The following CATSPERB variants were observed in gnomAD, a reference collection of about 807,000 sequenced individuals.
CATSPERB encodes the protein catsper channel auxiliary subunit beta.
CATSPERB carries 93 observed loss-of-function variants against 128.3 expected under a neutral mutation model. The observed-to-expected ratio is 0.72, with a 90% CI of 0.61 to 0.86. The LOEUF is 0.86. Ranked by LOEUF, CATSPERB falls within the 40% of genes least tolerant of loss-of-function variation. The probability of loss-of-function intolerance (pLI) is 0.00; values close to 1 mark genes in which losing one functional copy is unlikely to be tolerated. For missense variants in CATSPERB, 1,153 were observed against 1,329.5 expected (o/e 0.87, Z 2.06); for synonymous variants, 381 against 448.8 (o/e 0.85, Z 1.91).
chr14:91,641,606 C>CTGTA (rs1210124753), intron 15 of CATSPERB, among the ~76,000 whole-genome samples: 3 of 145,038 alleles, frequency 2.1e-5, no homozygotes, highest in Non-Finnish European at 4.6e-5. Flanking sequence ...GTTTTGGTTA[C>CTGTA]TGTAGCCTTG....
chr14:91,608,275 T>C lies in CATSPERB; in HGVS notation c.2709+19A>G. 7.0e-7 allele frequency: 1 copy of C among 1,438,232 alleles called. No homozygotes were observed. The highest frequency in any genetic ancestry group is 9.8e-7 in the Non-Finnish European group (1 of 1,022,728). The allele number at this position is 1,438,232 out of a possible 1,614,324, so 89.1% of individuals were successfully genotyped here. A position where few individuals can be genotyped will look rare whatever the true frequency, so the allele number is the denominator to read the frequency against. On this transcript the variant is annotated intron_variant, in intron 22 of 26. Coordinates refer to ENST00000256343, the MANE Select transcript of CATSPERB (RefSeq NM_024764.4). ...TGAATTCAAATAAGTGCTAGATTAT[T>C]TGTAAAAAAGTTATTTACCTTTGAC...
In CATSPERB at chr14:91,610,622, G is replaced by A. The variant is rs748919841; in HGVS notation, c.2456C>T (p.Thr819Met). The A allele has an allele frequency of 9.3e-6, 15 of 1,613,982 alleles. No homozygotes were observed. Among genetic ancestry groups the A allele is most frequent in the Admixed American group, 1.7e-5 (1 of 59,994 alleles). The change falls in exon 21 of 27, where the codon ACG (threonine) becomes ATG (methionine). Residue 819 changes from threonine to methionine, a missense_variant. Transcript: ENST00000256343. ...MWSASTECFVTTMVPTLKSSC... is the reference protein window; with the variant it reads ...MWSASTECFVMTMVPTLKSSC... The stretch of plus-strand genomic sequence containing the variant: ...GCTTTTCAGTGTTGGCACCATTGTC[G>A]TAACAAAGCACTCAGTAGAGGCTGA...
chr14:91,693,228 T>G lies in CATSPERB; in HGVS notation c.729A>C (p.Ser243=), dbSNP rs369640927. The G allele has an allele frequency of 4.3e-6, 7 of 1,612,374 alleles. No individual in the cohort carries two copies. Among genetic ancestry groups the G allele is most frequent in the Non-Finnish European group, 5.9e-6 (7 of 1,178,654 alleles). Residue 243 remains serine (S), a synonymous_variant, in exon 9 of 27, where the codon TCA becomes TCC. Transcript: ENST00000256343. ...SQLQEEYEDL[S]LVDMVLTNHF... is the part of the protein sequence containing the mutation. ...GATTCGTTAAAACCATATCCACCAATGAAAGGTCTTCATATTCTAAACGAA... is the reference window on the plus strand; with the variant it reads ...GATTCGTTAAAACCATATCCACCAAGGAAAGGTCTTCATATTCTAAACGAA...
At chr14:91,652,639 C>G (rs1172485671) in intron 15 of CATSPERB, among the ~76,000 whole-genome samples, 1 of 129,344 alleles carries the variant, frequency 7.7e-6, no homozygotes, top group African/African-American at 3.0e-5. Flanking sequence ...CCACTGCACC[C>G]CAGTCTGAGC....
At chr14:91,609,782 A>C (rs988448960) in intron 21 of CATSPERB, among the ~76,000 whole-genome samples, 5 of 152,082 alleles carry the variant, frequency 3.3e-5, no homozygotes, top group African/African-American at 1.2e-4. Flanking sequence ...TCTGTTGCTC[A>C]GGCTGGAGTG....
intron 5 of CATSPERB, among the ~76,000 whole-genome samples, chr14:91,711,378 G>A (rs1453033178): frequency 6.6e-6 from 1 of 152,110 alleles, no homozygotes; most frequent in Non-Finnish European, 1.5e-5. Flanking sequence ...TTACAGGCAT[G>A]TGCCACCACA....
intron 20 of CATSPERB, among the ~76,000 whole-genome samples, chr14:91,613,787 C>T (rs2139779947): frequency 6.6e-6 from 1 of 152,242 alleles, no homozygotes; most frequent in South Asian, 2.1e-4. Flanking sequence ...AAAATCTCGC[C>T]CTAGAGTAGC....
At chr14:91,716,584 T>A (rs938236143) in intron 5 of CATSPERB, among the ~76,000 whole-genome samples, 2 of 151,714 alleles carry the variant, frequency 1.3e-5, no homozygotes, top group Non-Finnish European at 2.9e-5. Flanking sequence ...CTCAAAAAAA[T>A]CCAAACAAAT....
chr14:91,604,328 G>C (rs1442023552), intron 22 of CATSPERB: 2 of 760,904 alleles, frequency 2.6e-6, no homozygotes, highest in African/African-American at 3.4e-5. Context: ...ATCCTATGAG[G>C]GATGGGAGGA....
intron 20 of CATSPERB, among the ~76,000 whole-genome samples, chr14:91,614,839 A>G (rs1893905506): frequency 6.6e-6 from 1 of 151,992 alleles, no homozygotes; most frequent in African/African-American, 2.4e-5. Context: ...AATTAAGCAT[A>G]TTTTTTTCCT....
At chr14:91,603,249 T>C in intron 22 of CATSPERB, 1 of 1,004,598 alleles carries the variant, frequency 1.0e-6, no homozygotes, top group Non-Finnish European at 1.6e-6. Context: ...TCTCAACTCC[T>C]GTTTCAAAGC....
intron 15 of CATSPERB, among the ~76,000 whole-genome samples, chr14:91,639,489 T>G (rs964139366): frequency 6.6e-6 from 1 of 152,078 alleles, no homozygotes; most frequent in Admixed American, 6.6e-5. Flanking sequence ...AGAGGGGATG[T>G]TTAATTAAGA....
At position 91,723,074 on chromosome 14, in the gene CATSPERB, C is replaced by A. The variant is rs774417080; in HGVS notation, c.284G>T (p.Gly95Val). 1.3e-6 allele frequency: 2 copies of A among 1,505,176 alleles called. No homozygotes were observed. Among genetic ancestry groups the A allele is most frequent in the East Asian group, 2.5e-5 (1 of 40,002 alleles). The allele number at this position is 1,505,176 out of a possible 1,614,324, so 93.2% of individuals were successfully genotyped here. ...CAACGTTAAATTAAAGTGGAAGATG[C>A]CATTATATGTACTATTCATGATTCC... ...SLGIMNSTYN[G>V]IFHFNLTLFS... The change falls in exon 4 of 27, where the codon GGC becomes GTC. Residue 95 changes from glycine to valine, a missense_variant. By Grantham distance (109) the Gly-to-Val change is moderately radical. Coordinates refer to ENST00000256343, the MANE Select transcript of CATSPERB (RefSeq NM_024764.4).
intron 18 of CATSPERB, 152 bp from the exon 19 acceptor site, chr14:91,622,089 A>G (rs186629803): frequency 8.6e-4 from 465 of 538,398 alleles, no homozygotes; most frequent in African/African-American, 8.2e-3. Context: ...CATAATTCAA[A>G]TTATTTTATA....
At chr14:91,612,874 A>G (rs1483646939) in intron 20 of CATSPERB, among the ~76,000 whole-genome samples, 7 of 152,230 alleles carry the variant, frequency 4.6e-5, no homozygotes, top group African/African-American at 9.6e-5. Context: ...TGGAAATTCT[A>G]TAGTACAACT....
intron 11 of CATSPERB, among the ~76,000 whole-genome samples, chr14:91,680,299 T>C (rs1308291409): frequency 6.6e-6 from 1 of 152,180 alleles, no homozygotes; most frequent in African/African-American, 2.4e-5. Context: ...GCCCAGGGAC[T>C]ATTGCAGAAG....
At chr14:91,639,344 T>A in intron 15 of CATSPERB, 94 bp from the exon 16 acceptor site, 1 of 1,055,826 alleles carries the variant, frequency 9.5e-7, no homozygotes, top group Non-Finnish European at 1.4e-6. Flanking sequence ...TCATTTAAAC[T>A]AAGAGGTGGA....
intron 11 of CATSPERB, among the ~76,000 whole-genome samples, chr14:91,674,665 T>TC (rs770577386): frequency 2.2e-4 from 34 of 152,306 alleles, no homozygotes; most frequent in Middle Eastern, 3.4e-3. Context: ...CACTCGACAC[T>TC]CCATGCACTG....
At chr14:91,706,625 G>T (rs1249369613) in intron 6 of CATSPERB, among the ~76,000 whole-genome samples, 2 of 152,142 alleles carry the variant, frequency 1.3e-5, no homozygotes, top group African/African-American at 4.8e-5. Context: ...TGGATATGAA[G>T]AAATAGAGAC....
Sources: allele counts gnomAD v4.1 joint callset (sites outside exome capture counted in the v4.1 genomes callset), GRCh38; gene constraint gnomAD v4.1.1; transcripts MANE v1.5; gene names NCBI Gene and HGNC (gene_info 2026-07-23, HGNC 2026-07-21).